EVI5: variants seen among roughly 807,000 people sequenced by gnomAD.
EVI5 encodes ecotropic viral integration site 5.
EVI5 carries 73 observed loss-of-function variants against 112.0 expected under a neutral mutation model. The observed-to-expected ratio is 0.65, with a 90% confidence interval of 0.54 to 0.79. The LOEUF (loss-of-function observed/expected upper bound fraction) is 0.79, where lower values mean the gene tolerates loss of function less well. Among genes scored for constraint, EVI5 ranks in the 30% least tolerant of loss-of-function variants. The pLI, the probability that EVI5 is intolerant of heterozygous loss-of-function variation, is 0.00. For synonymous variants in EVI5, 305 were observed against 319.9 expected (o/e 0.95, Z 0.50); for missense variants, 900 against 968.8 (o/e 0.93, Z 0.94).
intron 19 of EVI5, among the ~76,000 whole-genome samples, chr1:92,547,261 C>T (rs978058824): frequency 4.6e-5 from 7 of 152,026 alleles, no homozygotes; most frequent in East Asian, 1.9e-4. Flanking sequence ...GGGTACGTAA[C>T]GAAATGAAGG....
In EVI5 at chr1:92,677,192, T is replaced by C; in HGVS notation, c.1124A>G (p.Lys375Arg). The change falls in exon 10 of 20, where the codon AAA (lysine) becomes AGA (arginine). Residue 375 changes from lysine to arginine, a missense_variant. Coordinates refer to ENST00000684568, the MANE Select transcript of EVI5 (RefSeq NM_001350197.2). ...AACTTGCTCTTCCATTTCTTTCGTT[T>C]TTATTGTAGTGTATTCCTTTTCAAG... The part of the protein sequence containing the change: ...KKLEKEYTTI[K>R]TKEMEEQVEI... The C allele has an allele frequency of 1.3e-6, 2 of 1,591,898 alleles. No individual in the cohort carries two copies. Among genetic ancestry groups the C allele is most frequent in the Non-Finnish European group, 1.7e-6 (2 of 1,164,900 alleles).
intron 1 of EVI5, among the ~76,000 whole-genome samples, chr1:92,751,692 G>C (rs1029626761): frequency 4.6e-5 from 7 of 152,146 alleles, no homozygotes; most frequent in Non-Finnish European, 8.8e-5. Context: ...ACTTGAAAAT[G>C]ACTGCACTAT....
chr1:92,718,897 G>A (rs1012476888), intron 2 of EVI5, among the ~76,000 whole-genome samples: 11 of 152,010 alleles, frequency 7.2e-5, no homozygotes, highest in South Asian at 6.2e-4. Context: ...ACAAACTACC[G>A]TCAGAGAATA....
At chr1:92,571,133 T>C (rs1670268370) in intron 18 of EVI5, among the ~76,000 whole-genome samples, 1 of 150,942 alleles carries the variant, frequency 6.6e-6, no homozygotes, top group African/African-American at 2.4e-5. Context: ...AACAAAAAGT[T>C]GGACTATAAT....
At position 92,555,898 on chromosome 1, in the gene EVI5, A is replaced by G. The variant is rs1210784551; in HGVS notation, c.2166+7744T>C. Among the ~76,000 whole-genome samples the G allele has an allele frequency of 2.6e-5, 4 of 151,892 alleles. No homozygotes were observed. The East Asian group carries it at 7.7e-4, about 29-fold the overall frequency. Reference sequence around the variant, plus strand: ...AAGCATGAAGTTAAATAAACCAAAAAACAGTATCATTCAGTATGAAATAAA... The same window carrying G: ...AAGCATGAAGTTAAATAAACCAAAAGACAGTATCATTCAGTATGAAATAAA... On this transcript the variant is annotated intron_variant, in intron 19 of 19. Transcript: ENST00000684568.
chr1:92,753,605 A>G (rs967165890), intron 1 of EVI5, among the ~76,000 whole-genome samples: 2 of 152,202 alleles, frequency 1.3e-5, no homozygotes, highest in Admixed American at 6.5e-5. Context: ...CATGTACACC[A>G]CATCTCAATT....
At chr1:92,520,432 T>G (rs1270033337) in intron 19 of EVI5, among the ~76,000 whole-genome samples, 1 of 152,162 alleles carries the variant, frequency 6.6e-6, no homozygotes, top group Admixed American at 6.6e-5. Flanking sequence ...TCCTGTAAAT[T>G]AATCTAACAA....
intron 13 of EVI5, among the ~76,000 whole-genome samples, chr1:92,651,829 C>T (rs1348150650): frequency 3.1e-5 from 4 of 130,094 alleles, no homozygotes; most frequent in East Asian, 4.3e-4. Context: ...CCAGCCTGGG[C>T]GACAGAGCGA....
At chr1:92,700,481 T>G (rs1040123224) in intron 5 of EVI5, among the ~76,000 whole-genome samples, 2 of 152,232 alleles carry the variant, frequency 1.3e-5, no homozygotes, top group Non-Finnish European at 2.9e-5. Flanking sequence ...GTTCTTGTGT[T>G]AATATACTGC....
intron 19 of EVI5, among the ~76,000 whole-genome samples, chr1:92,541,910 G>A (rs759078786): frequency 2.0e-5 from 3 of 152,186 alleles, no homozygotes; most frequent in Non-Finnish European, 4.4e-5. Flanking sequence ...ATGATCACCT[G>A]AGTGGTCAGC....
At chr1:92,560,817 G>T (rs1226835189) in intron 19 of EVI5, among the ~76,000 whole-genome samples, 3 of 151,630 alleles carry the variant, frequency 2.0e-5, no homozygotes, top group African/African-American at 7.3e-5. Context: ...CTCCAACCTC[G>T]GTCTCCCAAA....
At chr1:92,639,305 T>C (rs1659487123) in intron 13 of EVI5, among the ~76,000 whole-genome samples, 2 of 152,098 alleles carry the variant, frequency 1.3e-5, no homozygotes, top group African/African-American at 4.8e-5. Flanking sequence ...TTTGCTTGTG[T>C]CTTGAGCTTA....
chr1:92,531,296 C>T (rs1212189323), intron 19 of EVI5, among the ~76,000 whole-genome samples: 1 of 151,918 alleles, frequency 6.6e-6, no homozygotes, highest in Non-Finnish European at 1.5e-5. Context: ...TGTAAAGAGA[C>T]CAAATCTACG....
chr1:92,695,425 A>G lies in EVI5; in HGVS notation c.794T>C (p.Phe265Ser). 6.2e-7 allele frequency: 1 copy of G among 1,607,678 alleles called. No individual in the cohort carries two copies. Among genetic ancestry groups the G allele is most frequent in the Non-Finnish European group, 8.5e-7 (1 of 1,174,854 alleles). The change falls in exon 7 of 20, where the codon TTT becomes TCT. Residue 265 changes from phenylalanine to serine, a missense_variant. By Grantham distance (155) the Phe-to-Ser change is radical. Transcript: ENST00000684568. ...TGAGGTATGAAAACTCTGAGATTGA[A>G]AATGTACAAAGAGCTCTGGAAGATG... ...QEHLPELFVHFQSQSFHTSMY... is the reference protein window; with the variant it reads ...QEHLPELFVHSQSQSFHTSMY...
Position 92,590,212 on chromosome 1 carries a change from C to T in EVI5, c.2070+15095G>A, listed in dbSNP as rs554239901. On this transcript the variant is annotated intron_variant, in intron 18 of 19. Transcript: ENST00000684568. ...AAATTCTAAAAAGCAGAGCGCCTCT[C>T]CTCCTCTAAAGGAACGCAGCTCCTC... Among the ~76,000 whole-genome samples, 177 of 151,692 alleles carry T rather than the reference C, an allele frequency of 1.2e-3. 1 individual carries two copies. The highest frequency in any genetic ancestry group is 4.1e-3 in the African/African-American group (166 of 40,938).
intron 2 of EVI5, among the ~76,000 whole-genome samples, chr1:92,718,832 AAT>A (rs1674236093): frequency 6.6e-6 from 1 of 152,192 alleles, no homozygotes; most frequent in East Asian, 1.9e-4. Context: ...AGAAGAATCA[AAT>A]AGACATAATA....
chr1:92,694,602 C>T (rs939891100), intron 7 of EVI5, among the ~76,000 whole-genome samples: 1 of 152,134 alleles, frequency 6.6e-6, no homozygotes, highest in Admixed American at 6.5e-5. Flanking sequence ...CTAAAGCAGA[C>T]ATACACGACA....
At chr1:92,530,770 C>A (rs1333546720) in intron 19 of EVI5, among the ~76,000 whole-genome samples, 1 of 151,754 alleles carries the variant, frequency 6.6e-6, no homozygotes, top group African/African-American at 2.4e-5. Flanking sequence ...ACTCAGAGAC[C>A]CCAGCCAAAG....
chr1:92,602,621 G>A (rs527686429), intron 18 of EVI5, among the ~76,000 whole-genome samples: 53 of 152,096 alleles, frequency 3.5e-4, no homozygotes, highest in Admixed American at 2.6e-3. Context: ...TGCCCAGGCC[G>A]GTCTTGAACT....
Sources: gnomAD v4.1 joint callset for allele counts (sites outside exome capture counted in the v4.1 genomes callset) on GRCh38, gnomAD v4.1.1 for gene constraint, MANE v1.5 for transcripts, NCBI Gene and HGNC (gene_info 2026-07-23, HGNC 2026-07-21) for gene names.